Variants in TSPAN18 observed in about 807,000 individuals in gnomAD.
TSPAN18 encodes the protein tetraspanin 18, also known as tetraspanin-18.
TSPAN18 carries 14 observed loss-of-function variants against 27.3 expected under a neutral mutation model. The ratio of observed to expected loss-of-function variants is 0.51; its 90% CI spans 0.34 to 0.80. TSPAN18 has a LOEUF of 0.80. Ranked by LOEUF, TSPAN18 falls within the 30% of genes least tolerant of loss-of-function variation. The pLI is 0.01. For missense variants in TSPAN18, 268 were observed against 323.9 expected (o/e 0.83, Z 1.32); for synonymous variants, 143 against 136.5 (o/e 1.05, Z -0.33).
At chr11:44,727,934 C>T (rs370550401) in intron 1 of TSPAN18, among the ~76,000 whole-genome samples, 54 of 152,272 alleles carry the variant, frequency 3.5e-4, no homozygotes, top group African/African-American at 1.3e-3. Flanking sequence ...GCAGTGGGAG[C>T]CAGTTGGGAC....
intron 2 of TSPAN18, among the ~76,000 whole-genome samples, chr11:44,775,659 C>T (rs983464517): frequency 1.3e-5 from 2 of 152,120 alleles, no homozygotes; most frequent in African/African-American, 4.8e-5. Flanking sequence ...CTCCAGCGTC[C>T]GCCAGCATCT....
intron 2 of TSPAN18, among the ~76,000 whole-genome samples, chr11:44,775,936 T>C (rs704662): frequency 0.15 from 23,461 of 152,224 alleles, 2,096 homozygotes; most frequent in Middle Eastern, 0.22. Context: ...GAGGGTTAAG[T>C]AGAAAACTCG....
intron 2 of TSPAN18, among the ~76,000 whole-genome samples, chr11:44,832,023 G>C (rs1565169399): frequency 6.6e-6 from 1 of 152,176 alleles, no homozygotes; most frequent in African/African-American, 2.4e-5. Context: ...ATCAAAGAGG[G>C]TGAGAGGGAA....
chr11:44,876,551 A>G (rs985379047), intron 3 of TSPAN18, among the ~76,000 whole-genome samples: 14 of 152,156 alleles, frequency 9.2e-5, no homozygotes, highest in Admixed American at 3.3e-4. Flanking sequence ...GGAGTGTGAG[A>G]AGGAGTTTTC....
intron 2 of TSPAN18, among the ~76,000 whole-genome samples, chr11:44,832,686 G>A (rs12797291): frequency 0.18 from 27,857 of 152,132 alleles, 3,454 homozygotes; most frequent in Non-Finnish European, 0.28. Context: ...TCGGGCTTCC[G>A]AAGCTGACCT....
At chr11:44,900,386 G>A (rs1336904191) in intron 3 of TSPAN18, among the ~76,000 whole-genome samples, 1 of 152,238 alleles carries the variant, frequency 6.6e-6, no homozygotes, top group Non-Finnish European at 1.5e-5. Flanking sequence ...CATTCATTGA[G>A]AATGCTGATT....
At chr11:44,748,954 C>T (rs1855145870) in intron 1 of TSPAN18, among the ~76,000 whole-genome samples, 1 of 152,210 alleles carries the variant, frequency 6.6e-6, no homozygotes, top group Non-Finnish European at 1.5e-5. Flanking sequence ...CTTGCAACAA[C>T]CCTACAGGTT....
chr11:44,801,205 TTCTC>T (rs1160478983), intron 2 of TSPAN18, among the ~76,000 whole-genome samples: 1 of 152,224 alleles, frequency 6.6e-6, no homozygotes, highest in African/African-American at 2.4e-5. Flanking sequence ...CATTATAGTA[TTCTC>T]TCTGTGTGTG....
intron 3 of TSPAN18, among the ~76,000 whole-genome samples, chr11:44,880,532 C>T (rs940435817): frequency 6.6e-6 from 1 of 152,194 alleles, no homozygotes; most frequent in Non-Finnish European, 1.5e-5. Flanking sequence ...CAGTGTGAGC[C>T]CTTGGGTACG....
chr11:44,850,927 A>G (rs835801), intron 2 of TSPAN18, among the ~76,000 whole-genome samples: 80,837 of 151,994 alleles, frequency 0.53, 22,799 homozygotes, highest in Non-Finnish European at 0.63. Flanking sequence ...CTCCAGGGTT[A>G]AAGATGGTGG....
intron 2 of TSPAN18, among the ~76,000 whole-genome samples, chr11:44,781,301 T>C (rs1855934441): frequency 6.6e-6 from 1 of 152,224 alleles, no homozygotes. Context: ...GAGGGAGCTC[T>C]TCCATGCAGG....
intron 1 of TSPAN18, among the ~76,000 whole-genome samples, chr11:44,731,895 C>A (rs761208215): frequency 6.6e-6 from 1 of 152,134 alleles, no homozygotes; most frequent in Non-Finnish European, 1.5e-5. Context: ...TGTTTCCCAC[C>A]CTTCACCATG....
intron 2 of TSPAN18, among the ~76,000 whole-genome samples, chr11:44,776,628 G>C (rs16938082): frequency 0.033 from 5,052 of 152,296 alleles, 278 homozygotes; most frequent in African/African-American, 0.12. Context: ...TGGTTTTACA[G>C]TCAGAACTTG....
At chr11:44,807,527 CAAAAAAAA>C (rs59241339) in intron 2 of TSPAN18, among the ~76,000 whole-genome samples, 3 of 64,474 alleles carry the variant, frequency 4.7e-5, no homozygotes, top group East Asian at 4.8e-4. Context: ...AACTCCATCT[CAAAAAAAA>C]AAAAAAAAAA....
chr11:44,772,991 A>G (rs946170711), intron 2 of TSPAN18, among the ~76,000 whole-genome samples: 1 of 152,160 alleles, frequency 6.6e-6, no homozygotes, highest in Admixed American at 6.5e-5. Flanking sequence ...ATGAACAGGT[A>G]TCACAGGATC....
chr11:44,867,430 G>T (rs886065635), intron 3 of TSPAN18, among the ~76,000 whole-genome samples: 1 of 112,300 alleles, frequency 8.9e-6, no homozygotes, highest in African/African-American at 3.6e-5. Flanking sequence ...ACAGAGTCTC[G>T]CTCTGTCACC....
chr11:44,827,100 C>T (rs1236136020), intron 2 of TSPAN18, among the ~76,000 whole-genome samples: 1 of 152,204 alleles, frequency 6.6e-6, no homozygotes, highest in Admixed American at 6.5e-5. Context: ...TGGGTGGATC[C>T]CGCCAACTCT....
At chr11:44,823,885 G>T (rs533144950) in intron 2 of TSPAN18, among the ~76,000 whole-genome samples, 1 of 152,136 alleles carries the variant, frequency 6.6e-6, no homozygotes, top group Non-Finnish European at 1.5e-5. Context: ...GGGAGGAAGA[G>T]AATATGAAAG....
chr11:44,742,062 T>G (rs1854950141), intron 1 of TSPAN18, among the ~76,000 whole-genome samples: 1 of 152,122 alleles, frequency 6.6e-6, no homozygotes. Flanking sequence ...TTTTACAGAA[T>G]GGAAACCTGC....
Sources: allele counts gnomAD v4.1 joint callset (sites outside exome capture counted in the v4.1 genomes callset), GRCh38; gene constraint gnomAD v4.1.1; transcripts MANE v1.5; gene names NCBI Gene and HGNC (gene_info 2026-07-23, HGNC 2026-07-21).